NEGR1: variants seen among roughly 807,000 people sequenced by gnomAD.
NEGR1 encodes the protein IgLON family member 4.
A neutral mutation model predicts 40.9 loss-of-function variants in NEGR1; 10 were observed. The ratio of observed to expected loss-of-function variants is 0.24; its 90% CI spans 0.15 to 0.42. NEGR1 has a LOEUF of 0.42. Ranked by LOEUF, NEGR1 falls within the 10% of genes least tolerant of loss-of-function variation. The probability of loss-of-function intolerance (pLI) is 1.00; values close to 1 mark genes in which losing one functional copy is unlikely to be tolerated. For synonymous variants in NEGR1, 185 were observed against 166.8 expected (o/e 1.11, Z -0.84); for missense variants, 352 against 438.9 (o/e 0.80, Z 1.77).
chr1:72,132,867 A>C (rs1650310049), intron 1 of NEGR1, among the ~76,000 whole-genome samples: 1 of 152,120 alleles, frequency 6.6e-6, no homozygotes, highest in Non-Finnish European at 1.5e-5. Flanking sequence ...TCAAGAGTGG[A>C]GTAGAGTTGA....
intron 2 of NEGR1, among the ~76,000 whole-genome samples, chr1:71,921,970 A>G (rs149366513): frequency 1.8e-3 from 277 of 152,116 alleles, no homozygotes; most frequent in Non-Finnish European, 3.0e-3. Context: ...AATACAGAGA[A>G]GTTTTTACAT....
chr1:72,032,983 T>C (rs1646872351), intron 1 of NEGR1, among the ~76,000 whole-genome samples: 1 of 152,138 alleles, frequency 6.6e-6, no homozygotes, highest in African/African-American at 2.4e-5. Context: ...GTGTTAGCTA[T>C]TATTACTATT....
chr1:71,661,071 G>A (rs1002912458), intron 4 of NEGR1, among the ~76,000 whole-genome samples: 4 of 152,176 alleles, frequency 2.6e-5, no homozygotes, highest in Non-Finnish European at 4.4e-5. Context: ...TGGTGTGTAT[G>A]TGCCACATTT....
chr1:72,252,003 T>C (rs935457325), intron 1 of NEGR1, among the ~76,000 whole-genome samples: 3 of 152,212 alleles, frequency 2.0e-5, no homozygotes, highest in Non-Finnish European at 4.4e-5. Flanking sequence ...TAATTGACTA[T>C]ATAAGAGTAC....
At chr1:71,792,598 T>A (rs1657158087) in intron 2 of NEGR1, among the ~76,000 whole-genome samples, 1 of 152,158 alleles carries the variant, frequency 6.6e-6, no homozygotes, top group South Asian at 2.1e-4. Flanking sequence ...TAGTCAGTTA[T>A]TTTATTGAAA....
chr1:71,813,500 T>A (rs544939346), intron 2 of NEGR1, among the ~76,000 whole-genome samples: 1 of 152,292 alleles, frequency 6.6e-6, no homozygotes, highest in South Asian at 2.1e-4. Flanking sequence ...GGAAATAGCA[T>A]TGAATCTATA....
At chr1:71,980,815 T>C (rs904380801) in intron 1 of NEGR1, among the ~76,000 whole-genome samples, 5 of 152,156 alleles carry the variant, frequency 3.3e-5, no homozygotes, top group Non-Finnish European at 7.4e-5. Flanking sequence ...AAACCATCTT[T>C]ACTGGAGTAT....
intron 2 of NEGR1, among the ~76,000 whole-genome samples, chr1:71,925,431 C>T (rs192673257): frequency 5.3e-5 from 8 of 152,250 alleles, no homozygotes; most frequent in South Asian, 4.1e-4. Flanking sequence ...GGATGGGTGG[C>T]GAAGTATGGG....
chr1:71,876,391 G>C (rs1441245125), intron 2 of NEGR1, among the ~76,000 whole-genome samples: 2 of 151,922 alleles, frequency 1.3e-5, no homozygotes, highest in African/African-American at 4.8e-5. Context: ...TGCACGCTCT[G>C]GTAGTCCCAG....
rs147159792 is a variant in NEGR1, at chr1:71,415,344, G to A, written c.941-7774C>T. On this transcript the variant is annotated intron_variant, in intron 6 of 6. Transcript: ENST00000357731. ...ATTTTTCTGCCAACTTATTCTTAGC[G>A]ACTACAGAGCTATTTCTCTGGCCGA... 5.4e-3 allele frequency among the ~76,000 whole-genome samples: 824 copies of A among 151,912 alleles called. 4 individuals are homozygous for A. The highest frequency in any genetic ancestry group is 0.019 in the African/African-American group (788 of 41,428).
chr1:71,759,510 G>C (rs1285878991), intron 3 of NEGR1, among the ~76,000 whole-genome samples: 1 of 148,294 alleles, frequency 6.7e-6, no homozygotes, highest in African/African-American at 2.5e-5. Context: ...TGTTAGCCAG[G>C]ATGGTCTTGA....
chr1:71,479,673 G>C (rs755552470), intron 6 of NEGR1, among the ~76,000 whole-genome samples: 1 of 151,970 alleles, frequency 6.6e-6, no homozygotes, highest in African/African-American at 2.4e-5. Context: ...GTCTAATTGA[G>C]TTATGGCTTA....
chr1:71,485,729 G>C (rs1646883918), intron 6 of NEGR1, among the ~76,000 whole-genome samples: 1 of 151,544 alleles, frequency 6.6e-6, no homozygotes, highest in Admixed American at 6.6e-5. Context: ...TTAATAATGT[G>C]CAATTAACCA....
chr1:71,590,369 C>CT (rs796261178), intron 6 of NEGR1, among the ~76,000 whole-genome samples: 8 of 152,204 alleles, frequency 5.3e-5, no homozygotes, highest in African/African-American at 1.9e-4. Context: ...ATAGTAAGAG[C>CT]ACCTTCTCTG....
intron 1 of NEGR1, among the ~76,000 whole-genome samples, chr1:72,200,569 A>C (rs1251818503): frequency 6.6e-6 from 1 of 151,956 alleles, no homozygotes; most frequent in Non-Finnish European, 1.5e-5. Context: ...TGAAGGGATC[A>C]TTAATACACC....
intron 2 of NEGR1, among the ~76,000 whole-genome samples, chr1:71,799,648 T>C (rs1657480637): frequency 6.6e-6 from 1 of 152,168 alleles, no homozygotes; most frequent in Non-Finnish European, 1.5e-5. Flanking sequence ...TGAAATAACT[T>C]ACACTCCCAC....
At chr1:71,859,259 C>T (rs560046997) in intron 2 of NEGR1, among the ~76,000 whole-genome samples, 2 of 152,134 alleles carry the variant, frequency 1.3e-5, no homozygotes, top group South Asian at 2.1e-4. Flanking sequence ...TGAGCATGCT[C>T]CTGTCTCAGA....
chr1:72,059,075 C>A (rs1647141331), intron 1 of NEGR1, among the ~76,000 whole-genome samples: 1 of 151,674 alleles, frequency 6.6e-6, no homozygotes, highest in South Asian at 2.1e-4. Context: ...TCCACTGCAA[C>A]ACATTGATTT....
At chr1:71,472,221 G>A (rs774183574) in intron 6 of NEGR1, among the ~76,000 whole-genome samples, 14 of 152,116 alleles carry the variant, frequency 9.2e-5, no homozygotes, top group Admixed American at 2.6e-4. Context: ...AGGGATATTG[G>A]CTAACATAAT....
Sources: allele counts gnomAD v4.1 joint callset (sites outside exome capture counted in the v4.1 genomes callset), GRCh38; gene constraint gnomAD v4.1.1; transcripts MANE v1.5; gene names NCBI Gene and HGNC (gene_info 2026-07-23, HGNC 2026-07-21).